SCARA5: variants seen among roughly 807,000 people sequenced by gnomAD.
SCARA5 encodes scavenger receptor class A, member 5 (putative).
In SCARA5, 45 loss-of-function variants were observed where a neutral mutation model predicts 46.3. The observed-to-expected ratio is 0.97, with a 90% CI of 0.76 to 1.24. The LOEUF (loss-of-function observed/expected upper bound fraction) is 1.24. Ranked by LOEUF, SCARA5 falls within the 50% of genes most tolerant of loss-of-function variation. SCARA5 has a pLI of 0.00. For missense variants in SCARA5, 680 were observed against 689.0 expected, an observed-to-expected ratio of 0.99 and a Z score of 0.15; for synonymous variants, 333 against 306.5, an observed-to-expected ratio of 1.09 and a Z score of -0.90.
intron 3 of SCARA5, among the ~76,000 whole-genome samples, chr8:27,937,484 C>G (rs2129861185): frequency 6.6e-6 from 1 of 152,312 alleles, no homozygotes; most frequent in South Asian, 2.1e-4. Context: ...CTCCAGGACA[C>G]ATGCTGGCAT....
At chr8:27,899,688 C>A (rs985391847) in intron 7 of SCARA5, among the ~76,000 whole-genome samples, 2 of 152,270 alleles carry the variant, frequency 1.3e-5, no homozygotes, top group Non-Finnish European at 2.9e-5. Flanking sequence ...CCCCACCTTC[C>A]TTTCCAGGCT....
chr8:27,966,348 A>C, intron 3 of SCARA5, 66 bp downstream of exon 3: 5 of 1,488,678 alleles, frequency 3.4e-6, no homozygotes, highest in Non-Finnish European at 4.5e-6. Flanking sequence ...GTGGGAATGA[A>C]GAGTGGAAGC....
At chr8:27,939,339 G>A (rs764597645) in intron 3 of SCARA5, among the ~76,000 whole-genome samples, 35 of 152,204 alleles carry the variant, frequency 2.3e-4, no homozygotes, top group Non-Finnish European at 4.1e-4. Context: ...AAGTGGCTGG[G>A]TCAGAGCTGG....
intron 3 of SCARA5, among the ~76,000 whole-genome samples, chr8:27,932,806 T>G (rs2129847957): frequency 6.6e-6 from 1 of 152,344 alleles, no homozygotes; most frequent in East Asian, 1.9e-4. Flanking sequence ...TTTTTTTGTA[T>G]TTTTAGTAGA....
chr8:27,913,145 G>A (rs1279395900), intron 4 of SCARA5, among the ~76,000 whole-genome samples: 4 of 152,196 alleles, frequency 2.6e-5, no homozygotes, highest in Admixed American at 2.0e-4. Context: ...GGAGAGGCAG[G>A]GCTCAAGAAC....
chr8:27,982,785 C>A (rs1413134570), intron 2 of SCARA5, among the ~76,000 whole-genome samples: 1 of 152,148 alleles, frequency 6.6e-6, no homozygotes, highest in Non-Finnish European at 1.5e-5. Flanking sequence ...GGCAAGATGG[C>A]TGCTCAGGGA....
At chr8:27,936,384 T>C (rs1303363918) in intron 3 of SCARA5, among the ~76,000 whole-genome samples, 1 of 151,316 alleles carries the variant, frequency 6.6e-6, no homozygotes. Flanking sequence ...AGGTCAGGAG[T>C]TTGAGACCAG....
chr8:27,884,525 G>C (rs375372922), intron 7 of SCARA5, among the ~76,000 whole-genome samples: 4 of 152,240 alleles, frequency 2.6e-5, no homozygotes, highest in Non-Finnish European at 5.9e-5. Flanking sequence ...CACAGTGTGG[G>C]GTCAGCAAGT....
In SCARA5 at chr8:27,909,669, G is replaced by T; in HGVS notation, c.991C>A (p.Leu331Ile). 6.5e-7 allele frequency: 1 copy of T among 1,548,676 alleles called. No individual in the cohort carries two copies. ...CCAGGGGCACGCTCATTACCTCGAA[G>T]TCCAGGCAATCCAGGGATGCCAGGC... ...GRPGIPGLPG[L>I]RGLPGERGTP... Residue 331 changes from leucine (L) to isoleucine (I), a missense_variant, in exon 5 of 9, where the codon CTT (leucine) becomes ATT (isoleucine). Leu to Ile is a conservative substitution (Grantham distance 5, BLOSUM62 2). This residue lies in a region of SCARA5 where 219 missense variants were observed against 269.5 expected (regional missense o/e 0.81). Transcript: ENST00000354914.
chr8:27,891,657 C>A (rs1302640844), intron 7 of SCARA5, among the ~76,000 whole-genome samples: 4 of 152,212 alleles, frequency 2.6e-5, no homozygotes, highest in Non-Finnish European at 5.9e-5. Flanking sequence ...CCGTGGGATG[C>A]AGAAGCCTCA....
intron 3 of SCARA5, among the ~76,000 whole-genome samples, chr8:27,934,740 A>C (rs1005939088): frequency 2.0e-5 from 3 of 152,204 alleles, no homozygotes. Context: ...GAACCCCTGG[A>C]GCAGGGGGCA....
chr8:27,939,576 T>C (rs117338204), intron 3 of SCARA5, among the ~76,000 whole-genome samples: 2,669 of 152,190 alleles, frequency 0.018, 51 homozygotes, highest in East Asian at 0.052. Context: ...TGCCCCTCCA[T>C]ATTTTATAGG....
chr8:27,980,341 G>A (rs543571929), intron 2 of SCARA5, among the ~76,000 whole-genome samples: 1 of 152,272 alleles, frequency 6.6e-6, no homozygotes, highest in South Asian at 2.1e-4. Flanking sequence ...CTCTACTCCA[G>A]GGATTACCAG....
chr8:27,934,883 T>A (rs1218937255), intron 3 of SCARA5, among the ~76,000 whole-genome samples: 2 of 152,272 alleles, frequency 1.3e-5, no homozygotes, highest in Non-Finnish European at 2.9e-5. Flanking sequence ...AAAGTCCTGA[T>A]GAAGCTGCCC....
At chr8:27,907,572 C>CTTTTTTTTTTTTTTTTTTTTTTTTTTTTT (rs144977060) in intron 5 of SCARA5, among the ~76,000 whole-genome samples, 1 of 97,276 alleles carries the variant, frequency 1.0e-5, no homozygotes, top group Non-Finnish European at 2.0e-5. Flanking sequence ...TCAGCAAACA[C>CTTTTTTTTTTTTTTTTTTTTTTTTTTTTT]TTTTTTTTTT....
intron 3 of SCARA5, among the ~76,000 whole-genome samples, chr8:27,936,872 C>T (rs1336915578): frequency 6.6e-6 from 1 of 152,152 alleles, no homozygotes; most frequent in African/African-American, 2.4e-5. Flanking sequence ...TGCCCTGGCC[C>T]TAGCATTCCC....
chr8:27,989,007 G>T (rs1454378398), intron 1 of SCARA5, among the ~76,000 whole-genome samples: 1 of 151,856 alleles, frequency 6.6e-6, no homozygotes, highest in East Asian at 1.9e-4. Flanking sequence ...TGGGCAAGGA[G>T]GCGTGGCAAC....
At chr8:27,965,910 C>T (rs931482106) in intron 3 of SCARA5, among the ~76,000 whole-genome samples, 10 of 152,162 alleles carry the variant, frequency 6.6e-5, no homozygotes, top group Admixed American at 5.2e-4. Context: ...ACATGCTAGC[C>T]CTAGCCCATC....
At chr8:27,975,301 TCCCTC>T in intron 2 of SCARA5, among the ~76,000 whole-genome samples, 1 of 151,644 alleles carries the variant, frequency 6.6e-6, no homozygotes, top group African/African-American at 2.4e-5. Flanking sequence ...GTGCACCTCT[TCCCTC>T]TGTTATTCAT....
Sources: allele counts gnomAD v4.1 joint callset (sites outside exome capture counted in the v4.1 genomes callset), GRCh38; gene constraint gnomAD v4.1.1; regional missense constraint gnomAD v4.1.1; transcripts MANE v1.5; gene names NCBI Gene and HGNC (gene_info 2026-07-23, HGNC 2026-07-21).